Variants in TCF25 observed in about 807,000 individuals in gnomAD.
The protein encoded by TCF25 is ribosome quality control complex subunit TCF25.
A neutral mutation model predicts 83.1 loss-of-function variants in TCF25; 41 were observed. That is an observed-to-expected ratio of 0.49 (90% CI 0.38 to 0.64). The LOEUF (loss-of-function observed/expected upper bound fraction) is 0.64, where lower values mean the gene tolerates loss of function less well. Among genes scored for constraint, TCF25 ranks in the 30% least tolerant of loss-of-function variants. TCF25 has a pLI of 0.00. For missense variants in TCF25, 979 were observed against 914.5 expected (o/e 1.07, Z -0.91); for synonymous variants, 458 against 365.0 (o/e 1.25, Z -2.90).
chr16:89,907,219 T>C, intron 15 of TCF25, 24 bp from the exon 16 acceptor site: 4 of 1,612,012 alleles, frequency 2.5e-6, no homozygotes, highest in Non-Finnish European at 3.4e-6. Flanking sequence ...CTGTAGCATC[T>C]TCGTTTTATG....
At chr16:89,898,913 C>T (rs1166489877) in intron 11 of TCF25, 41 bp downstream of exon 11, 2 of 1,570,074 alleles carry the variant, frequency 1.3e-6, no homozygotes, top group Non-Finnish European at 1.8e-6. Flanking sequence ...GGGACGGACA[C>T]CTGCTTCTCC....
At chr16:89,886,050 C>T in intron 4 of TCF25, 84 bp downstream of exon 4, 1 of 1,041,724 alleles carries the variant, frequency 9.6e-7, no homozygotes, top group Non-Finnish European at 1.5e-6. Context: ...CTGCCCTTCT[C>T]TGTGGCTGCC....
intron 3 of TCF25, among the ~76,000 whole-genome samples, chr16:89,885,628 G>A (rs965329402): frequency 6.6e-6 from 1 of 152,138 alleles, no homozygotes; most frequent in African/African-American, 2.4e-5. Flanking sequence ...TTTTTCTAGG[G>A]TCCTTCTGGT....
chr16:89,910,059 T>TG (rs2045420750), intron 16 of TCF25: 1 of 154,564 alleles, frequency 6.5e-6, no homozygotes, highest in Admixed American at 6.4e-5. Context: ...GGCAGGGTGT[T>TG]GCAGCATTGA....
Position 89,910,640 on chromosome 16 carries a change from C to G in TCF25, c.1849C>G (p.Leu617Val). Residue 617 changes from leucine (L) to valine (V), a missense_variant, in exon 17 of 18, where the codon CTG becomes GTG. Transcript: ENST00000263346. Reference protein sequence around the residue: ...GNTIALFFRSLLPNYTMEGER... With the variant: ...GNTIALFFRSVLPNYTMEGER... Reference sequence around the variant, plus strand: ...CACCATTGCTCTCTTCTTCCGGTCACTGTTGCCAAACTATACCATGGAGGT... The same window carrying G: ...CACCATTGCTCTCTTCTTCCGGTCAGTGTTGCCAAACTATACCATGGAGGT... The G allele has an allele frequency of 1.2e-6, 2 of 1,613,678 alleles. No homozygotes were observed. The highest frequency in any genetic ancestry group is 1.7e-6 in the Non-Finnish European group (2 of 1,179,976).
At chr16:89,904,032 C>T (rs2044568086) in intron 12 of TCF25, 86 bp from the exon 13 acceptor site, 1 of 1,350,714 alleles carries the variant, frequency 7.4e-7, no homozygotes, top group Admixed American at 2.0e-5. Context: ...TGACAAGGAC[C>T]TCGCTGTGTC....
In TCF25 at chr16:89,898,951, C is replaced by T. The variant is rs117084642; in HGVS notation, c.1221+79C>T. Reference sequence around the variant, plus strand: ...CTGTTTTCTTGGTTCAGTATCTGTGCGCTCAGGGGACGTTTGGGGATGAAA... The same window carrying T: ...CTGTTTTCTTGGTTCAGTATCTGTGTGCTCAGGGGACGTTTGGGGATGAAA... On this transcript the variant is annotated intron_variant, in intron 11 of 17. Coordinates refer to ENST00000263346, the MANE Select transcript of TCF25 (RefSeq NM_014972.3). 1,038 of 1,378,110 alleles carry T rather than the reference C, an allele frequency of 7.5e-4. 2 individuals carry two copies. Among genetic ancestry groups the T allele is most frequent in the Non-Finnish European group, 7.8e-4 (765 of 980,796 alleles). The allele number at this position is 1,378,110 out of a possible 1,614,324, so 85.4% of individuals were successfully genotyped here.
intron 1 of TCF25, among the ~76,000 whole-genome samples, chr16:89,879,294 G>T (rs1412745766): frequency 6.8e-6 from 1 of 147,590 alleles, no homozygotes; most frequent in Non-Finnish European, 1.5e-5. Flanking sequence ...CGTGTACACA[G>T]ACGGGCTTCA....
At chr16:89,898,102 C>G (rs1273982322) in intron 9 of TCF25, among the ~76,000 whole-genome samples, 6 of 150,142 alleles carry the variant, frequency 4.0e-5, no homozygotes, top group Admixed American at 2.6e-4. Context: ...GAGCGAGACT[C>G]CGTCTCAAAA....
At chr16:89,877,873 T>G (rs1035195307) in intron 1 of TCF25, among the ~76,000 whole-genome samples, 21 of 152,314 alleles carry the variant, frequency 1.4e-4, no homozygotes, top group African/African-American at 4.6e-4. Flanking sequence ...TTTTCCAGAT[T>G]AGACAAATGG....
At chr16:89,894,847 G>A in intron 7 of TCF25, 191 bp from the exon 8 acceptor site, 3 of 471,530 alleles carry the variant, frequency 6.4e-6, no homozygotes, top group East Asian at 3.8e-5. Context: ...GTTTTGCCAC[G>A]TTGGCCAGGC....
At chr16:89,905,977 G>C (rs890298598) in intron 14 of TCF25, among the ~76,000 whole-genome samples, 1 of 152,142 alleles carries the variant, frequency 6.6e-6, no homozygotes, top group African/African-American at 2.4e-5. Flanking sequence ...TGAGTCACTG[G>C]CCATGTGGCT....
intron 15 of TCF25, among the ~76,000 whole-genome samples, chr16:89,906,557 C>A (rs530864455): frequency 6.6e-6 from 1 of 152,044 alleles, no homozygotes; most frequent in African/African-American, 2.4e-5. Flanking sequence ...GTCTTGTGAG[C>A]GCGTGGTGCG....
chr16:89,893,857 T>C lies in TCF25; in HGVS notation c.827T>C (p.Val276Ala). 1 of 1,601,836 alleles carries C rather than the reference T, an allele frequency of 6.2e-7. No individual in the cohort carries two copies. Among genetic ancestry groups the C allele is most frequent in the Non-Finnish European group, 8.5e-7 (1 of 1,174,572 alleles). Residue 276 changes from valine to alanine, a missense_variant and splice_region_variant, in exon 7 of 18, where the codon GTG becomes GCG. Transcript: ENST00000263346. The stretch of plus-strand genomic sequence containing the variant: ...GAGTCTATGGAGCCGAACAACATCG[T>C]GGTGCGTGGTCCCTGCAGCCCCTGA... Reference protein sequence around the residue: ...AVESMEPNNIVVLLQTSPYHV... With the variant: ...AVESMEPNNIAVLLQTSPYHV...
intron 3 of TCF25, among the ~76,000 whole-genome samples, chr16:89,885,132 A>G (rs894081931): frequency 3.5e-5 from 5 of 141,860 alleles, no homozygotes; most frequent in African/African-American, 5.4e-5. Context: ...CGCTCTCTCC[A>G]TTCTCTTCTG....
chr16:89,909,096 C>G, intron 16 of TCF25: 1 of 1,289,440 alleles, frequency 7.8e-7, no homozygotes, highest in Non-Finnish European at 1.0e-6. Context: ...GCGAGTGACA[C>G]AGTGGAAGCA....
intron 15 of TCF25, among the ~76,000 whole-genome samples, chr16:89,906,913 G>A (rs2044837871): frequency 6.6e-6 from 1 of 152,120 alleles, no homozygotes; most frequent in Admixed American, 6.5e-5. Flanking sequence ...TGCATTTGCT[G>A]AAGTGGGAGC....
intron 1 of TCF25, among the ~76,000 whole-genome samples, chr16:89,879,924 G>A (rs2042473774): frequency 6.6e-6 from 1 of 151,822 alleles, no homozygotes; most frequent in Non-Finnish European, 1.5e-5. Flanking sequence ...CGTGTACACA[G>A]ACAGGCTCCT....
intron 1 of TCF25, among the ~76,000 whole-genome samples, chr16:89,875,332 G>A (rs1016110465): frequency 6.6e-6 from 1 of 151,944 alleles, no homozygotes; most frequent in Admixed American, 6.6e-5. Flanking sequence ...TTTATAGGGG[G>A]TTTGGACAGT....
Sources: gnomAD v4.1 joint callset for allele counts (sites outside exome capture counted in the v4.1 genomes callset) on GRCh38, gnomAD v4.1.1 for gene constraint, MANE v1.5 for transcripts, NCBI Gene and HGNC (gene_info 2026-07-23, HGNC 2026-07-21) for gene names.